The following AATF variants were observed in gnomAD, a reference collection of about 807,000 sequenced individuals.
The protein encoded by AATF is apoptosis antagonizing transcription factor, also known as protein AATF.
AATF carries 48 observed loss-of-function variants against 63.7 expected under a neutral mutation model. The ratio of observed to expected loss-of-function variants is 0.75; its 90% CI spans 0.60 to 0.96. The LOEUF is 0.96. Among genes scored for constraint, AATF ranks in the 40% least tolerant of loss-of-function variants. The pLI, the probability that AATF is intolerant of heterozygous loss-of-function variation, is 0.00. For synonymous variants in AATF, 258 were observed against 247.7 expected (o/e 1.04, Z -0.39); for missense variants, 639 against 685.7 (o/e 0.93, Z 0.76).
In AATF at chr17:36,988,686, A is replaced by T. The variant is rs1567974990; in HGVS notation, c.1115A>T (p.Asp372Val). 1 of 1,614,054 alleles carries T rather than the reference A, an allele frequency of 6.2e-7. No individual in the cohort carries two copies. The change falls in exon 6 of 12, where the codon GAT becomes GTT. Residue 372 changes from aspartate to valine, a missense_variant. Physicochemically the swap from Asp to Val is radical, Grantham distance 152 (BLOSUM62 -3). Transcript: ENST00000619387. ...YRNRTLQKWH[D>V]KTKLASGKLG... ...AACCGCACACTTCAGAAATGGCACGATAAGACCAAACTGGCTTCTGGAAAA... is the reference window on the plus strand; with the variant it reads ...AACCGCACACTTCAGAAATGGCACGTTAAGACCAAACTGGCTTCTGGAAAA...
At chr17:37,047,876 C>G (rs2071707396) in intron 11 of AATF, among the ~76,000 whole-genome samples, 1 of 152,158 alleles carries the variant, frequency 6.6e-6, no homozygotes, top group African/African-American at 2.4e-5. Flanking sequence ...TGTTTTGGAA[C>G]CTTGTGAAGA....
rs768049861 is a variant in AATF at position 36,950,347 on chromosome 17, C to T, written c.225C>T (p.Thr75=). The T allele has an allele frequency of 1.9e-6, 3 of 1,614,184 alleles. No homozygotes were observed. The highest frequency in any genetic ancestry group is 2.5e-6 in the Non-Finnish European group (3 of 1,180,032). ...LDTDKRYCGK[T]TSRKAWNEDH... ...CGGACAAAAGGTATTGCGGCAAAACCACCTCTAGAAAAGCATGGAATGAAG... is the reference window on the plus strand; with the variant it reads ...CGGACAAAAGGTATTGCGGCAAAACTACCTCTAGAAAAGCATGGAATGAAG... The change falls in exon 2 of 12, where the codon ACC becomes ACT. Residue 75 remains threonine, a synonymous_variant. Coordinates refer to ENST00000619387, the MANE Select transcript of AATF (RefSeq NM_012138.4).
rs566902085 is a variant in AATF, at chr17:36,980,113, G to C, written c.833-6504G>C. ...ACAGTTACTATTTTTACCTTATTTT[G>C]TAAGGACAAGCAAAGGCTTGTCCAC... On this transcript the variant is annotated intron_variant, in intron 4 of 11. Coordinates refer to ENST00000619387, the MANE Select transcript of AATF (RefSeq NM_012138.4). 1.1e-4 allele frequency: 17 copies of C among 152,000 alleles called. No homozygotes were observed. In the South Asian group the frequency reaches 3.1e-3, roughly 28 times the overall value. 9.4% of individuals were successfully genotyped at this position (152,000 alleles called of 1,614,324 possible). A position where few individuals can be genotyped will look rare whatever the true frequency, so the allele number is the denominator to read the frequency against.
At chr17:37,039,920 A>G (rs2071623409) in intron 11 of AATF, among the ~76,000 whole-genome samples, 1 of 152,222 alleles carries the variant, frequency 6.6e-6, no homozygotes. Flanking sequence ...AGATTTGTAG[A>G]TGCTGAACAG....
intron 5 of AATF, 112 bp from the exon 6 acceptor site, chr17:36,988,406 TG>T: frequency 1.1e-6 from 1 of 944,462 alleles, no homozygotes. Flanking sequence ...TTATTTTGAA[TG>T]GAGACAGAAC....
At chr17:37,049,044 T>C (rs1330105967) in intron 11 of AATF, among the ~76,000 whole-genome samples, 1 of 152,132 alleles carries the variant, frequency 6.6e-6, no homozygotes, top group African/African-American at 2.4e-5. Context: ...CGGACTTTGC[T>C]TAGTGCTGTA....
intron 10 of AATF, among the ~76,000 whole-genome samples, chr17:37,021,918 G>A (rs1316870921): frequency 1.3e-4 from 20 of 151,848 alleles, no homozygotes; most frequent in Admixed American, 1.3e-3. Context: ...AAAGATATAA[G>A]TGAAGGACCA....
At chr17:37,007,109 C>G (rs1318397546) in intron 8 of AATF, among the ~76,000 whole-genome samples, 2 of 152,150 alleles carry the variant, frequency 1.3e-5, no homozygotes, top group Non-Finnish European at 1.5e-5. Context: ...GTAAATATTG[C>G]ACTTCCCCTT....
Position 36,954,065 on chromosome 17 carries a change from C to CTT in AATF, c.832+177_832+178dup, listed in dbSNP as rs878859973. On this transcript the variant is annotated intron_variant, in intron 4 of 11. Transcript: ENST00000619387. ...CCATCCCCCTTGGCTTTCCAAGTTG[C>CTT]TTTTTTTTTTTTTTTTTTTTGAGAC... is the stretch of plus-strand genomic sequence containing the variant. 1.7e-3 allele frequency among the ~76,000 whole-genome samples: 203 copies of CTT among 122,406 alleles called. 1 individual carries two copies. Among genetic ancestry groups the CTT allele is most frequent in the African/African-American group, 3.6e-3 (115 of 31,874 alleles). 80.3% of individuals were successfully genotyped at this position (122,406 alleles called of 152,430 possible). A position where few individuals can be genotyped will look rare whatever the true frequency, so the allele number is the denominator to read the frequency against.
At chr17:37,019,820 G>A (rs2071455827) in intron 9 of AATF, among the ~76,000 whole-genome samples, 1 of 152,162 alleles carries the variant, frequency 6.6e-6, no homozygotes, top group South Asian at 2.1e-4. Flanking sequence ...GAATTTTAGG[G>A]TAGGATGTTG....
chr17:37,022,254 A>T (rs1174675698), intron 10 of AATF, among the ~76,000 whole-genome samples: 1 of 152,214 alleles, frequency 6.6e-6, no homozygotes, highest in Non-Finnish European at 1.5e-5. Flanking sequence ...AGTTTTAGGC[A>T]GGTAGTTAAA....
At chr17:37,010,655 G>T (rs1380849799) in intron 8 of AATF, among the ~76,000 whole-genome samples, 2 of 152,134 alleles carry the variant, frequency 1.3e-5, no homozygotes, top group African/African-American at 4.8e-5. Flanking sequence ...CAAAGGTATG[G>T]TGCATGTGTG....
At position 37,019,004 on chromosome 17, in the gene AATF, G is replaced by C; in HGVS notation, c.1399-1G>C. 1 of 1,613,704 alleles carries C rather than the reference G, an allele frequency of 6.2e-7. No individual in the cohort carries two copies. The highest frequency in any genetic ancestry group is 8.5e-7 in the Non-Finnish European group (1 of 1,179,698). ...ATTCGTTGCTTTCCTTTTTCCCCTA[G>C]CTCCTTCGAGAACTCATAGAACGGA... On this transcript the variant is annotated splice_acceptor_variant, in intron 8 of 11. Coordinates refer to ENST00000619387, the MANE Select transcript of AATF (RefSeq NM_012138.4). LOFTEE classifies it high-confidence loss of function.
intron 8 of AATF, among the ~76,000 whole-genome samples, chr17:37,013,626 C>CT (rs35259685): frequency 0.28 from 42,527 of 151,996 alleles, 8,736 homozygotes; most frequent in African/African-American, 0.59. Context: ...CAAGGGAGGA[C>CT]TTCATCTATG....
At chr17:37,048,833 C>A (rs542842527) in intron 11 of AATF, among the ~76,000 whole-genome samples, 1 of 152,292 alleles carries the variant, frequency 6.6e-6, no homozygotes, top group African/African-American at 2.4e-5. Context: ...TCTCAAATAT[C>A]TTTCTCTCAT....
chr17:36,953,704 C>A, intron 3 of AATF, 66 bp from the exon 4 acceptor site: 2 of 1,526,896 alleles, frequency 1.3e-6, no homozygotes, highest in Non-Finnish European at 1.8e-6. Context: ...TTCTTCCCCA[C>A]CCCTGCCACC....
chr17:37,023,988 G>A (rs376438750), intron 10 of AATF, among the ~76,000 whole-genome samples: 4 of 152,110 alleles, frequency 2.6e-5, no homozygotes, highest in East Asian at 1.9e-4. Flanking sequence ...CAATATGAAC[G>A]CCATGTAAAT....
chr17:37,048,770 G>A (rs1399271989), intron 11 of AATF, among the ~76,000 whole-genome samples: 2 of 152,158 alleles, frequency 1.3e-5, no homozygotes, highest in African/African-American at 4.8e-5. Flanking sequence ...AGCACAGGGC[G>A]ATTGCCTGCC....
At position 36,953,288 on chromosome 17, in the gene AATF, A is replaced by G; in HGVS notation, c.686A>G (p.Asn229Ser). 1 of 1,613,116 alleles carries G rather than the reference A, an allele frequency of 6.2e-7. No homozygotes were observed. Among genetic ancestry groups the G allele is most frequent in the Non-Finnish European group, 8.5e-7 (1 of 1,179,196 alleles). The part of the protein sequence containing the change: ...EEVEKGRAVK[N>S]QIALWDQLLE... ...GTGGAGAAAGGAAGAGCCGTGAAGA[A>G]CCAGATAGGTTTGTACATGGTTTTG... The change falls in exon 3 of 12, where the codon AAC becomes AGC. Residue 229 changes from asparagine to serine, a missense_variant. Physicochemically the swap from Asn to Ser is conservative, Grantham distance 46. Transcript: ENST00000619387.
Sources: allele counts gnomAD v4.1 joint callset (sites outside exome capture counted in the v4.1 genomes callset), GRCh38; gene constraint gnomAD v4.1.1; transcripts MANE v1.5; gene names NCBI Gene and HGNC (gene_info 2026-07-23, HGNC 2026-07-21).